GALNT18: variants seen among roughly 807,000 people sequenced by gnomAD.
GALNT18 encodes the protein polypeptide N-acetylgalactosaminyltransferase 18, also known as GalNAc-transferase 18.
GALNT18 carries 44 observed loss-of-function variants against 69.5 expected under a neutral mutation model. The observed-to-expected ratio is 0.63, with a 90% CI of 0.50 to 0.81. The LOEUF (loss-of-function observed/expected upper bound fraction) is 0.81, where lower values mean the gene tolerates loss of function less well. GALNT18 is among the 40% of genes least tolerant of loss of function. The probability of loss-of-function intolerance (pLI) is 0.00; values close to 1 mark genes in which losing one functional copy is unlikely to be tolerated. For missense variants in GALNT18, 715 were observed against 810.0 expected (o/e 0.88, Z 1.42); for synonymous variants, 364 against 318.2 (o/e 1.14, Z -1.53).
chr11:11,478,255 G>A (rs1177605073), intron 1 of GALNT18, among the ~76,000 whole-genome samples: 3 of 152,222 alleles, frequency 2.0e-5, no homozygotes, highest in Non-Finnish European at 4.4e-5. Context: ...AGAGAAACTT[G>A]TTTTCAACCT....
intron 2 of GALNT18, among the ~76,000 whole-genome samples, chr11:11,447,274 A>G (rs1162260233): frequency 1.3e-5 from 2 of 152,120 alleles, no homozygotes; most frequent in South Asian, 2.1e-4. Flanking sequence ...TCTTTGCTCA[A>G]ATGTTACCTC....
rs1450399052 is a variant in GALNT18 at position 11,543,433 on chromosome 11, C to G, written c.235+77926G>C. ...ACCCACTCTGGAACTGGATATGCCA[C>G]CCATTTTAGGTCGGGGATGTCCCTT... On this transcript the variant is annotated intron_variant, in intron 1 of 10. Coordinates refer to ENST00000227756, the MANE Select transcript of GALNT18 (RefSeq NM_198516.3). This position sits in a 1 kb window ranked among gnomAD's most constrained non-coding sequence, Gnocchi z 5.1. Among the ~76,000 whole-genome samples, 1 of 152,168 alleles carries G rather than the reference C, an allele frequency of 6.6e-6. No homozygotes were observed. The highest frequency in any genetic ancestry group is 1.5e-5 in the Non-Finnish European group (1 of 68,032).
intron 1 of GALNT18, among the ~76,000 whole-genome samples, chr11:11,524,395 T>G (rs1857471915): frequency 6.6e-6 from 1 of 152,236 alleles, no homozygotes; most frequent in African/African-American, 2.4e-5. Context: ...TACCATTGCC[T>G]TGCAGTATCC....
At chr11:11,331,068 G>A (rs1850009952) in intron 8 of GALNT18, among the ~76,000 whole-genome samples, 1 of 152,198 alleles carries the variant, frequency 6.6e-6, no homozygotes, top group Non-Finnish European at 1.5e-5. Context: ...GGTGGAGTGT[G>A]GGGCATCAAA....
At chr11:11,599,337 A>G (rs374268630) in intron 1 of GALNT18, among the ~76,000 whole-genome samples, 39 of 152,020 alleles carry the variant, frequency 2.6e-4, no homozygotes, top group Non-Finnish European at 5.4e-4. Flanking sequence ...TCCTTTTATC[A>G]TTATAAAATT....
chr11:11,621,479 C>T lies in GALNT18; in HGVS notation c.115G>A (p.Val39Met), dbSNP rs1565046595. 6.2e-7 allele frequency: 1 copy of T among 1,614,180 alleles called. No homozygotes were observed. The highest frequency in any genetic ancestry group is 8.5e-7 in the Non-Finnish European group (1 of 1,180,022). ...VGWVTNYIASVYVRGQEPAPD... is the reference protein window; with the variant it reads ...VGWVTNYIASMYVRGQEPAPD... The stretch of plus-strand genomic sequence containing the variant: ...GCCGGCTCCTGCCCCCGCACATACA[C>T]GCTGGCGATGTAGTTGGTGACCCAG... Residue 39 changes from valine to methionine, a missense_variant, in exon 1 of 11, where the codon GTG becomes ATG. By Grantham distance (21) the Val-to-Met change is conservative. Coordinates refer to ENST00000227756, the MANE Select transcript of GALNT18 (RefSeq NM_198516.3). The surrounding 1 kb of genome is among the most constrained non-coding windows in gnomAD (Gnocchi z 9.3).
At position 11,603,895 on chromosome 11, in the gene GALNT18, T is replaced by C. The variant is rs573811430; in HGVS notation, c.235+17464A>G. 6.6e-6 allele frequency among the ~76,000 whole-genome samples: 1 copy of C among 152,294 alleles called. No homozygotes were observed. Among genetic ancestry groups the C allele is most frequent in the East Asian group, 1.9e-4 (1 of 5,164 alleles). On this transcript the variant is annotated intron_variant, in intron 1 of 10. Transcript: ENST00000227756. This position sits in a 1 kb window ranked among gnomAD's most constrained non-coding sequence, Gnocchi z 4.5. ...TGTCTGTATCCCTTCCCCAAATCCA[T>C]ATGTTGAAATCCTAACCCCTAAGTT...
rs191348604 is a variant in GALNT18 at position 11,277,129 on chromosome 11, T to A, written c.1678-5839A>T. Among the ~76,000 whole-genome samples, 359 of 152,346 alleles carry A rather than the reference T, an allele frequency of 2.4e-3. 1 individual carries two copies. Among genetic ancestry groups the A allele is most frequent in the African/African-American group, 8.1e-3 (336 of 41,570 alleles). The stretch of plus-strand genomic sequence containing the variant: ...GCCTCTGGTAGAATTTGGCTGTGAA[T>A]CCGTCTGGTCCTGGACTTTTTTTGG... On this transcript the variant is annotated intron_variant, in intron 10 of 10. Coordinates refer to ENST00000227756, the MANE Select transcript of GALNT18 (RefSeq NM_198516.3).
intron 1 of GALNT18, among the ~76,000 whole-genome samples, chr11:11,565,663 G>T (rs947599178): frequency 2.6e-5 from 4 of 152,168 alleles, no homozygotes; most frequent in Non-Finnish European, 5.9e-5. Context: ...AGGCACCAAG[G>T]AGACACAGAT....
intron 9 of GALNT18, among the ~76,000 whole-genome samples, chr11:11,313,843 A>C (rs1348760063): frequency 6.6e-6 from 1 of 152,226 alleles, no homozygotes; most frequent in Non-Finnish European, 1.5e-5. Flanking sequence ...TATACAAAGC[A>C]CTTAGAAAGA....
intron 9 of GALNT18, among the ~76,000 whole-genome samples, chr11:11,311,295 T>A (rs1849670245): frequency 6.6e-6 from 1 of 152,208 alleles, no homozygotes; most frequent in African/African-American, 2.4e-5. Context: ...CACTTCCTGC[T>A]TCAAATGAAA....
At chr11:11,405,023 T>A (rs1186603433) in intron 3 of GALNT18, among the ~76,000 whole-genome samples, 1 of 152,188 alleles carries the variant, frequency 6.6e-6, no homozygotes, top group Non-Finnish European at 1.5e-5. Flanking sequence ...TTCTCCCACA[T>A]AACTGTATGT....
At position 11,294,009 on chromosome 11, in the gene GALNT18, T is replaced by C. The variant is rs533276649; in HGVS notation, c.1513-816A>G. 1.6e-4 allele frequency among the ~76,000 whole-genome samples: 24 copies of C among 152,352 alleles called. No homozygotes were observed. The South Asian group carries it at 5.0e-3, about 32-fold the overall frequency. On this transcript the variant is annotated intron_variant, in intron 9 of 10. Transcript: ENST00000227756. ...GGTCAGGATGACAAATGTTTGGTTT[T>C]CTGGGTGTGCTGGGGAGTCCCCAAG...
intron 1 of GALNT18, among the ~76,000 whole-genome samples, chr11:11,501,897 C>G (rs4309157): frequency 1.3e-5 from 2 of 152,214 alleles, no homozygotes; most frequent in Non-Finnish European, 2.9e-5. Flanking sequence ...AGACACTTCC[C>G]TCTTGCAGCA....
chr11:11,488,250 C>A (rs947550251), intron 1 of GALNT18, among the ~76,000 whole-genome samples: 4 of 152,202 alleles, frequency 2.6e-5, no homozygotes, highest in African/African-American at 9.7e-5. Context: ...GGGCTGTACT[C>A]CTCCTGCAGG....
At chr11:11,370,772 A>G (rs551738100) in intron 6 of GALNT18, among the ~76,000 whole-genome samples, 2 of 152,338 alleles carry the variant, frequency 1.3e-5, no homozygotes, top group South Asian at 4.1e-4. Flanking sequence ...ACTCACACAC[A>G]TGCTGGAAGC....
intron 10 of GALNT18, among the ~76,000 whole-genome samples, chr11:11,285,551 C>G (rs977889012): frequency 6.6e-6 from 1 of 152,100 alleles, no homozygotes; most frequent in African/African-American, 2.4e-5. Context: ...TTCCATAAAC[C>G]AAAAATAACT....
intron 1 of GALNT18, among the ~76,000 whole-genome samples, chr11:11,498,943 T>C (rs1437942028): frequency 6.6e-6 from 1 of 152,236 alleles, no homozygotes; most frequent in Non-Finnish European, 1.5e-5. Flanking sequence ...CTTAACACTT[T>C]CCTATGTCTT....
intron 9 of GALNT18, among the ~76,000 whole-genome samples, chr11:11,302,841 C>A (rs1189681317): frequency 6.6e-6 from 1 of 152,214 alleles, no homozygotes; most frequent in Non-Finnish European, 1.5e-5. Context: ...AGACTGACAG[C>A]CCTCAGTGGC....
Sources: gnomAD v4.1 joint callset for allele counts (sites outside exome capture counted in the v4.1 genomes callset) on GRCh38, gnomAD v4.1.1 for gene constraint, Gnocchi (gnomAD v3.1) non-coding constraint, MANE v1.5 for transcripts, NCBI Gene and HGNC (gene_info 2026-07-23, HGNC 2026-07-21) for gene names.